CLIP4: variants seen among roughly 807,000 people sequenced by gnomAD.
CLIP4 encodes the protein CAP-Gly domain containing linker protein family member 4, also known as CAP-Gly domain-containing linker protein 4.
A neutral mutation model predicts 73.1 loss-of-function variants in CLIP4; 47 were observed. The observed-to-expected ratio is 0.64, with a 90% CI of 0.51 to 0.82. The LOEUF is 0.82. CLIP4 is among the 40% of genes least tolerant of loss of function. The probability of loss-of-function intolerance (pLI) is 0.00; values close to 1 mark genes in which losing one functional copy is unlikely to be tolerated. For synonymous variants in CLIP4, 306 were observed against 295.4 expected, an observed-to-expected ratio of 1.04 and a Z score of -0.37; for missense variants, 874 against 852.9, an observed-to-expected ratio of 1.02 and a Z score of -0.31.
In CLIP4 at chr2:29,105,888, T is replaced by C. The variant is rs906352032; in HGVS notation, c.-16+7941T>C. Among the ~76,000 whole-genome samples, 4 of 152,324 alleles carry C rather than the reference T, an allele frequency of 2.6e-5. No homozygotes were observed. In the East Asian group the frequency reaches 5.8e-4, roughly 22 times the overall value. On this transcript the variant is annotated intron_variant, in intron 1 of 14. Transcript: ENST00000401605. ...TTGGGCTTCCTAGAGTCTAGAACCA[T>C]GATAAATAAATCTCTGTTGTTTATA...
upstream of CLIP4, among the ~76,000 whole-genome samples, chr2:29,113,334 C>T (rs894927071): frequency 6.6e-6 from 1 of 152,188 alleles, no homozygotes; most frequent in African/African-American, 2.4e-5. The surrounding 1 kb of genome is among the most constrained non-coding windows in gnomAD (Gnocchi z 4.0). Flanking sequence ...TCAGCAGCTA[C>T]AGTTGGTCCA....
rs961867280 is a variant in CLIP4 at position 29,182,217 on chromosome 2, A to G, written c.*324A>G. 3.0e-4 allele frequency: 55 copies of G among 183,600 alleles called. No individual in the cohort carries two copies. Among genetic ancestry groups the G allele is most frequent in the Non-Finnish European group, 4.9e-4 (43 of 88,516 alleles). 11.4% of individuals were successfully genotyped at this position (183,600 alleles called of 1,614,324 possible). On this transcript the variant is annotated 3_prime_UTR_variant, in exon 16 of 16. Transcript: ENST00000320081. Reference sequence around the variant, plus strand: ...TTATTCTGTTTTGTTTTTGCACATCATAATGGATTTTTCTTAGTGCCCTAA... The same window carrying G: ...TTATTCTGTTTTGTTTTTGCACATCGTAATGGATTTTTCTTAGTGCCCTAA...
chr2:29,176,427 A>T (rs1668349004), intron 15 of CLIP4, among the ~76,000 whole-genome samples: 1 of 152,250 alleles, frequency 6.6e-6, no homozygotes, highest in South Asian at 2.1e-4. Flanking sequence ...GATGATGGAC[A>T]TTCTTGGGTA....
chr2:29,134,061 A>G (rs1307940615), intron 5 of CLIP4, among the ~76,000 whole-genome samples: 6 of 152,132 alleles, frequency 3.9e-5, no homozygotes, highest in Non-Finnish European at 8.8e-5. Flanking sequence ...ATATCTCTAT[A>G]AGTTCTCCAG....
rs116983024 is a variant in CLIP4, at chr2:29,102,404, G to T, written c.-16+4457G>T. Among the ~76,000 whole-genome samples the T allele has an allele frequency of 1.2e-4, 19 of 152,128 alleles. No individual in the cohort carries two copies. The East Asian group carries it at 3.7e-3, about 29-fold the overall frequency. On this transcript the variant is annotated intron_variant, in intron 1 of 14. Coordinates refer to the CLIP4 transcript ENST00000401605. ...TCACCTGCCTTCACAATCTCTCTAG[G>T]TATCCGCCCCTTCTCTGTTGTTTCT...
chr2:29,107,373 T>TTG (rs1668251212), intron 1 of CLIP4, among the ~76,000 whole-genome samples: 1 of 126,848 alleles, frequency 7.9e-6, no homozygotes, highest in African/African-American at 2.9e-5. Flanking sequence ...TTTTTTTTTT[T>TTG]TTTTTTTTTT....
rs760259263 is a variant in CLIP4, at chr2:29,152,749, T to G, written c.1086T>G (p.Thr362=). ...GTCGAAGGAAGAATATAACACACAC[T>G]CCTTCTACAAAAGCTGCTGTACCTC... The part of the protein sequence containing the change: ...AKGRRKNITH[T]PSTKAAVPLI... Residue 362 remains threonine (T), a synonymous_variant, in exon 9 of 16, where the codon ACT becomes ACG. Coordinates refer to ENST00000320081, the MANE Select transcript of CLIP4 (RefSeq NM_024692.6). 22 of 1,613,808 alleles carry G rather than the reference T, an allele frequency of 1.4e-5. No homozygotes were observed. The highest frequency in any genetic ancestry group is 1.9e-5 in the Non-Finnish European group (22 of 1,179,826).
In CLIP4 at chr2:29,145,221, A is replaced by T. The variant is rs1026262821; in HGVS notation, c.886-11A>T. 6.2e-7 allele frequency: 1 copy of T among 1,609,224 alleles called. No homozygotes were observed. The highest frequency in any genetic ancestry group is 2.2e-5 in the East Asian group (1 of 44,754). ...ATTCCCCAAAATTATTCTGGTTTAT[A>T]TTTTCTTTAGGTTGGTACATTAAGA... On this transcript the variant is annotated splice_polypyrimidine_tract_variant and intron_variant, in intron 7 of 15. Transcript: ENST00000320081.
intron 7 of CLIP4, among the ~76,000 whole-genome samples, chr2:29,144,621 T>A (rs1666016846): frequency 6.6e-6 from 1 of 151,974 alleles, no homozygotes; most frequent in Admixed American, 6.6e-5. Flanking sequence ...TGTGCCATGG[T>A]GATTTGCTGC....
chr2:29,107,358 G>GTTTTTTTTTT (rs796180363), intron 1 of CLIP4, among the ~76,000 whole-genome samples: 1,484 of 65,316 alleles, frequency 0.023, 379 homozygotes, highest in Non-Finnish European at 0.036. Flanking sequence ...GAACATGATA[G>GTTTTTTTTTT]TTTTTTTTTT....
chr2:29,150,975 G>A (rs1481634045), intron 8 of CLIP4, among the ~76,000 whole-genome samples: 3 of 152,164 alleles, frequency 2.0e-5, no homozygotes, highest in East Asian at 1.9e-4. Context: ...GTCTTATAAT[G>A]TTATAATGAT....
chr2:29,101,950 A>G (rs1668062924), intron 1 of CLIP4, among the ~76,000 whole-genome samples: 1 of 152,198 alleles, frequency 6.6e-6, no homozygotes. Context: ...CCACAAGGGT[A>G]GAATTTTGTG....
chr2:29,138,848 T>G (rs1665560689), intron 6 of CLIP4, among the ~76,000 whole-genome samples: 1 of 152,214 alleles, frequency 6.6e-6, no homozygotes, highest in Admixed American at 6.6e-5. Context: ...ATATTGATTT[T>G]GTGTCCTGAA....
chr2:29,168,437 G>A (rs1471800202), intron 14 of CLIP4, among the ~76,000 whole-genome samples: 2 of 133,758 alleles, frequency 1.5e-5, no homozygotes, highest in Non-Finnish European at 3.2e-5. Context: ...TTTATTTATT[G>A]TTTTTGGTGT....
At chr2:29,179,331 G>C (rs1332445152) in intron 15 of CLIP4, among the ~76,000 whole-genome samples, 1 of 152,158 alleles carries the variant, frequency 6.6e-6, no homozygotes, top group Non-Finnish European at 1.5e-5. Flanking sequence ...TCTTACGACA[G>C]AGCCACATTG....
At chr2:29,177,476 G>A (rs866731471) in intron 15 of CLIP4, among the ~76,000 whole-genome samples, 25 of 151,658 alleles carry the variant, frequency 1.6e-4, no homozygotes, top group Admixed American at 1.5e-3. Context: ...AGCTACTTGC[G>A]ATGCTGAGGC....
Position 29,174,402 on chromosome 2 carries a change from G to A in CLIP4, c.1753G>A (p.Ala585Thr). 1 of 1,612,420 alleles carries A rather than the reference G, an allele frequency of 6.2e-7. No homozygotes were observed. The highest frequency in any genetic ancestry group is 8.5e-7 in the Non-Finnish European group (1 of 1,179,594). ...GFRRSFSTTS[A>T]SSQKEINRRN... is the part of the protein sequence containing the mutation. Reference sequence around the variant, plus strand: ...TAGGAGAAGTTTTAGCACAACTTCTGCTTCTTCCCAAAAGGAGATTAACAG... The same window carrying A: ...TAGGAGAAGTTTTAGCACAACTTCTACTTCTTCCCAAAAGGAGATTAACAG... Residue 585 changes from alanine (A) to threonine (T), a missense_variant, in exon 15 of 16, where the codon GCT becomes ACT. Physicochemically the swap from Ala to Thr is moderately conservative, Grantham distance 58. Transcript: ENST00000320081.
intron 15 of CLIP4, among the ~76,000 whole-genome samples, chr2:29,176,718 G>A (rs533206750): frequency 2.0e-5 from 3 of 152,124 alleles, no homozygotes; most frequent in East Asian, 1.9e-4. Context: ...TGTACATCCC[G>A]CCTGGGATCT....
At chr2:29,104,838 T>A (rs1417095511) in intron 1 of CLIP4, among the ~76,000 whole-genome samples, 1 of 152,164 alleles carries the variant, frequency 6.6e-6, no homozygotes, top group Non-Finnish European at 1.5e-5. Flanking sequence ...TTGAGAGGCA[T>A]CCTGCTGTGA....
Sources: gnomAD v4.1 joint callset for allele counts (sites outside exome capture counted in the v4.1 genomes callset) on GRCh38, gnomAD v4.1.1 for gene constraint, Gnocchi (gnomAD v3.1) non-coding constraint, MANE v1.5 for transcripts, NCBI Gene and HGNC (gene_info 2026-07-23, HGNC 2026-07-21) for gene names.